AGO3: variants seen among roughly 807,000 people sequenced by gnomAD.
The protein encoded by AGO3 is protein argonaute-3.
A neutral mutation model predicts 105.5 loss-of-function variants in AGO3; 16 were observed. The observed-to-expected ratio is 0.15, with a 90% CI of 0.10 to 0.23. The LOEUF is 0.23. AGO3 is among the 10% of genes least tolerant of loss of function. The probability of loss-of-function intolerance (pLI) is 1.00; values close to 1 mark genes in which losing one functional copy is unlikely to be tolerated. For missense variants in AGO3, 534 were observed against 1,088.0 expected (o/e 0.49, Z 7.16); for synonymous variants, 340 against 367.3 (o/e 0.93, Z 0.85).
intron 2 of AGO3, among the ~76,000 whole-genome samples, chr1:35,960,940 T>A (rs12040098): frequency 0.026 from 3,892 of 151,852 alleles, 72 homozygotes; most frequent in African/African-American, 0.033. Flanking sequence ...TTCTTTTTTT[T>A]TTTTTATTTT....
chr1:35,972,232 A>T lies in AGO3; in HGVS notation c.521A>T (p.Lys174Ile). Residue 174 changes from lysine to isoleucine, a missense_variant and splice_region_variant, in exon 4 of 19, where the codon AAA (lysine) becomes ATA (isoleucine). Lys to Ile is a moderately radical substitution (Grantham distance 102, BLOSUM62 -3). This residue lies in a region of AGO3 where 161 missense variants were observed against 234.0 expected (regional missense o/e 0.69). Coordinates refer to ENST00000373191, the MANE Select transcript of AGO3 (RefSeq NM_024852.4). Reference sequence around the variant, plus strand: ...GTGCTACGACATCTGCCCTCCATGAAGTGGGTGCTTCTGCTTTTTTTCTCT... The same window carrying T: ...GTGCTACGACATCTGCCCTCCATGATGTGGGTGCTTCTGCTTTTTTTCTCT... ...DVVLRHLPSM[K>I]YTPVGRSFFS... 1.2e-6 allele frequency: 2 copies of T among 1,613,458 alleles called. No individual in the cohort carries two copies. The highest frequency in any genetic ancestry group is 1.7e-6 in the Non-Finnish European group (2 of 1,179,974).
At chr1:35,949,375 C>T (rs1646428137) in intron 2 of AGO3, among the ~76,000 whole-genome samples, 1 of 152,180 alleles carries the variant, frequency 6.6e-6, no homozygotes, top group African/African-American at 2.4e-5. Flanking sequence ...CTTCAGCTGA[C>T]TTGCTTTTGT....
intron 2 of AGO3, among the ~76,000 whole-genome samples, chr1:35,946,189 C>T (rs1646361390): frequency 6.6e-6 from 1 of 152,128 alleles, no homozygotes; most frequent in African/African-American, 2.4e-5. Context: ...TTGCTTTTTT[C>T]TCCTCACCTC....
chr1:36,001,333 G>A (rs1225165526), intron 5 of AGO3, among the ~76,000 whole-genome samples: 3 of 151,922 alleles, frequency 2.0e-5, no homozygotes, highest in Non-Finnish European at 2.9e-5. Flanking sequence ...ACACACACAC[G>A]TGCACAGGAA....
rs1417279198 is a variant in AGO3 at position 36,057,025 on chromosome 1, C to G, written c.*1280C>G. On this transcript the variant is annotated 3_prime_UTR_variant, in exon 19 of 19. Coordinates refer to ENST00000373191, the MANE Select transcript of AGO3 (RefSeq NM_024852.4). ...AAAGTGCTGGGATTACAGGCATGAG[C>G]CACCGCACCCGGCCTACTATTCTTT... is the stretch of plus-strand genomic sequence containing the variant. The G allele has an allele frequency of 6.6e-6, 1 of 152,226 alleles. No homozygotes were observed. The highest frequency in any genetic ancestry group is 1.5e-5 in the Non-Finnish European group (1 of 68,070). The allele number at this position is 152,226 out of a possible 1,614,324, so 9.4% of individuals were successfully genotyped here. A position where few individuals can be genotyped will look rare whatever the true frequency, so the allele number is the denominator to read the frequency against.
chr1:35,935,232 T>C (rs1646128648), intron 1 of AGO3, among the ~76,000 whole-genome samples: 1 of 152,136 alleles, frequency 6.6e-6, no homozygotes, highest in Non-Finnish European at 1.5e-5. Context: ...AAAACAAAAA[T>C]TGAGACATAA....
intron 1 of AGO3, among the ~76,000 whole-genome samples, chr1:35,943,696 G>A (rs1000037733): frequency 2.0e-5 from 3 of 150,988 alleles, no homozygotes; most frequent in Admixed American, 6.6e-5. Context: ...CTCCACCTCC[G>A]GGGCTCAAGC....
chr1:35,997,518 C>T (rs1313117725), intron 5 of AGO3, among the ~76,000 whole-genome samples: 1 of 152,032 alleles, frequency 6.6e-6, no homozygotes, highest in African/African-American at 2.4e-5. Context: ...ACTGTGTTGC[C>T]AGATGATTTT....
intron 11 of AGO3, among the ~76,000 whole-genome samples, chr1:36,018,237 G>C (rs1026438769): frequency 1.3e-5 from 2 of 151,992 alleles, no homozygotes; most frequent in Admixed American, 1.3e-4. Context: ...CTCCCAAACT[G>C]CTGAGATTAC....
At chr1:36,045,521 CT>C (rs796933850) in intron 17 of AGO3, among the ~76,000 whole-genome samples, 2,250 of 144,386 alleles carry the variant, frequency 0.016, 42 homozygotes, top group African/African-American at 0.051. Context: ...CATGTCCGAC[CT>C]TTTTTTTTTT....
Position 36,012,714 on chromosome 1 carries a change from T to C in AGO3, c.1150-916T>C, listed in dbSNP as rs80176011. On this transcript the variant is annotated intron_variant, in intron 9 of 18. Coordinates refer to ENST00000373191, the MANE Select transcript of AGO3 (RefSeq NM_024852.4). Reference sequence around the variant, plus strand: ...CATAGTCAGAGGTTCTTAACCTCTTTTTAGGTGAGATATTTCTTTCTCCAT... The same window carrying C: ...CATAGTCAGAGGTTCTTAACCTCTTCTTAGGTGAGATATTTCTTTCTCCAT... Among the ~76,000 whole-genome samples, 1,022 of 152,222 alleles carry C rather than the reference T, an allele frequency of 6.7e-3. 8 individuals are homozygous for C. Among genetic ancestry groups the C allele is most frequent in the African/African-American group, 0.023 (971 of 41,546 alleles).
chr1:35,931,291 G>A lies in AGO3; in HGVS notation c.-136G>A, dbSNP rs1040449697. On this transcript the variant is annotated 5_prime_UTR_variant, in exon 1 of 19. Coordinates refer to ENST00000373191, the MANE Select transcript of AGO3 (RefSeq NM_024852.4). ...GAGCTTTCGGAGTGCGGTTGCTCAG[G>A]GGAAGCCGTCGCCGCCCCCGCCTCG... The A allele has an allele frequency of 8.3e-5, 59 of 710,588 alleles. No homozygotes were observed. Among genetic ancestry groups the A allele is most frequent in the Admixed American group, 1.3e-4 (3 of 23,098 alleles). The allele number at this position is 710,588 out of a possible 1,614,324, so 44.0% of individuals were successfully genotyped here.
rs1346844389 is a variant in AGO3 at position 35,948,467 on chromosome 1, G to A, written c.191+2604G>A. On this transcript the variant is annotated intron_variant, in intron 2 of 18. Transcript: ENST00000373191. ...ACTCCTGACCTTGTGGTCCCCCCCCGCCCCCACCCCACCGCCGGCCTCCCA... is the reference window on the plus strand; with the variant it reads ...ACTCCTGACCTTGTGGTCCCCCCCCACCCCCACCCCACCGCCGGCCTCCCA... 2.6e-4 allele frequency among the ~76,000 whole-genome samples: 13 copies of A among 50,850 alleles called. No individual in the cohort carries two copies. In the East Asian group the frequency reaches 2.7e-3, roughly 11 times the overall value. The allele number at this position is 50,850 out of a possible 152,430, so 33.4% of individuals were successfully genotyped here. A position where few individuals can be genotyped will look rare whatever the true frequency, so the allele number is the denominator to read the frequency against.
chr1:35,946,975 G>A (rs549523717), intron 2 of AGO3, among the ~76,000 whole-genome samples: 2 of 152,258 alleles, frequency 1.3e-5, no homozygotes, highest in African/African-American at 4.8e-5. Flanking sequence ...AAGTAGGAAA[G>A]GTGAAACCAG....
chr1:35,965,421 C>T (rs1354643758), intron 2 of AGO3, among the ~76,000 whole-genome samples: 16 of 142,560 alleles, frequency 1.1e-4, no homozygotes, highest in African/African-American at 3.9e-4. Context: ...ACCTGGGAGG[C>T]GGAGGTAGCA....
chr1:36,013,640 C>G lies in AGO3; in HGVS notation c.1160C>G (p.Ala387Gly). The change falls in exon 10 of 19, where the codon GCA (alanine) becomes GGA (glycine). Residue 387 changes from alanine (A) to glycine (G), a missense_variant. Physicochemically the swap from Ala to Gly is moderately conservative, Grantham distance 60. This residue lies in a region of AGO3 where 373 missense variants were observed against 854.0 expected (regional missense o/e 0.44). Coordinates refer to ENST00000373191, the MANE Select transcript of AGO3 (RefSeq NM_024852.4). ...QEEISRLVRS[A>G]NYETDPFVQE... ...TTTTTCTATTTTTAGGTAAGAAGTG[C>G]AAATTATGAAACAGATCCATTTGTT... 1 of 1,613,236 alleles carries G rather than the reference C, an allele frequency of 6.2e-7. No homozygotes were observed. The highest frequency in any genetic ancestry group is 1.7e-5 in the Admixed American group (1 of 59,864).
At chr1:35,964,428 C>G (rs747543889) in intron 2 of AGO3, among the ~76,000 whole-genome samples, 2 of 152,114 alleles carry the variant, frequency 1.3e-5, no homozygotes, top group Non-Finnish European at 2.9e-5. Context: ...GCCTCTAGCT[C>G]CATACATGTT....
Position 36,063,084 on chromosome 1 carries a change from A to G in AGO3, c.*7339A>G, listed in dbSNP as rs1204046376. 6.6e-6 allele frequency: 1 copy of G among 152,184 alleles called. No individual in the cohort carries two copies. Among genetic ancestry groups the G allele is most frequent in the Non-Finnish European group, 1.5e-5 (1 of 68,026 alleles). 9.4% of individuals were successfully genotyped at this position (152,184 alleles called of 1,614,324 possible). A position where few individuals can be genotyped will look rare whatever the true frequency, so the allele number is the denominator to read the frequency against. On this transcript the variant is annotated 3_prime_UTR_variant, in exon 19 of 19. Transcript: ENST00000373191. ...CAGCAAAGATTAAGATGGAGTGTTA[A>G]TATACCAACCAAACTACGAATTCCA...
intron 11 of AGO3, among the ~76,000 whole-genome samples, chr1:36,022,127 G>A (rs949373807): frequency 6.8e-6 from 1 of 145,990 alleles, no homozygotes; most frequent in Non-Finnish European, 1.5e-5. Flanking sequence ...GTGCAGTGGC[G>A]TGACCATGGC....
Sources: allele counts gnomAD v4.1 joint callset (sites outside exome capture counted in the v4.1 genomes callset), GRCh38; gene constraint gnomAD v4.1.1; regional missense constraint gnomAD v4.1.1; transcripts MANE v1.5; gene names NCBI Gene and HGNC (gene_info 2026-07-23, HGNC 2026-07-21).